The following EGFLAM variants were observed in gnomAD, a reference collection of about 807,000 sequenced individuals.
EGFLAM encodes the protein EGF like, fibronectin type III and laminin G domains.
A neutral mutation model predicts 113.1 loss-of-function variants in EGFLAM; 79 were observed. That is an observed-to-expected ratio of 0.70 (90% CI 0.58 to 0.84). The LOEUF (loss-of-function observed/expected upper bound fraction) is 0.84. Among genes scored for constraint, EGFLAM ranks in the 40% least tolerant of loss-of-function variants. The pLI, the probability that EGFLAM is intolerant of heterozygous loss-of-function variation, is 0.00. For missense variants in EGFLAM, 1,265 were observed against 1,291.6 expected, an observed-to-expected ratio of 0.98 and a Z score of 0.32; for synonymous variants, 504 against 487.6, an observed-to-expected ratio of 1.03 and a Z score of -0.44.
chr5:38,442,146 G>GTA (rs1561096262), intron 17 of EGFLAM, among the ~76,000 whole-genome samples: 2 of 151,704 alleles, frequency 1.3e-5, no homozygotes, highest in African/African-American at 2.4e-5. Context: ...AGGTCCCAGT[G>GTA]TATATATATA....
At chr5:38,330,887 C>T (rs904223922) in intron 1 of EGFLAM, among the ~76,000 whole-genome samples, 19 of 152,106 alleles carry the variant, frequency 1.2e-4, no homozygotes, top group African/African-American at 4.6e-4. Context: ...TGGATAATTA[C>T]ACAGGGGGAA....
chr5:38,431,763 C>A (rs13356672), intron 15 of EGFLAM, among the ~76,000 whole-genome samples: 8,715 of 152,178 alleles, frequency 0.057, 436 homozygotes, highest in African/African-American at 0.13. Flanking sequence ...CAAGATTGTT[C>A]TTGTCTCAGC....
intron 20 of EGFLAM, among the ~76,000 whole-genome samples, chr5:38,459,035 T>G (rs997945379): frequency 2.0e-5 from 3 of 152,002 alleles, no homozygotes; most frequent in Non-Finnish European, 2.9e-5. Flanking sequence ...CCTCTGGCTT[T>G]TTTTTGTTTG....
At position 38,362,687 on chromosome 5, in the gene EGFLAM, C is replaced by T. The variant is rs558172070; in HGVS notation, c.546-7609C>T. On this transcript the variant is annotated intron_variant, in intron 5 of 21. Transcript: ENST00000322350. ...GCTTCACAAAGAATTCTTTTCCTTA[C>T]CTTTAGTTTTGAAACTGAAAATCTC... Among the ~76,000 whole-genome samples the T allele has an allele frequency of 6.7e-4, 102 of 152,264 alleles. 1 individual carries two copies. The highest frequency in any genetic ancestry group is 1.6e-3 in the African/African-American group (65 of 41,544).
At chr5:38,385,286 C>CG (rs1382363899) in intron 6 of EGFLAM, among the ~76,000 whole-genome samples, 2 of 112,352 alleles carry the variant, frequency 1.8e-5, no homozygotes, top group Non-Finnish European at 3.9e-5. Flanking sequence ...CCACCCCCCC[C>CG]CCCCGCCCCC....
chr5:38,394,440 C>T (rs112791067), intron 6 of EGFLAM, among the ~76,000 whole-genome samples: 11 of 151,886 alleles, frequency 7.2e-5, no homozygotes, highest in Admixed American at 1.3e-4. Flanking sequence ...GACGGAGTCC[C>T]GCTCTGTCTC....
rs879027496 is a variant in EGFLAM at position 38,464,104 on chromosome 5, A to G, written c.*118A>G. ...GGACCAGGTGTGTTTCCTCTCACCAAGAAGAAAGTACACACTGATGAGAAA... is the reference window on the plus strand; with the variant it reads ...GGACCAGGTGTGTTTCCTCTCACCAGGAAGAAAGTACACACTGATGAGAAA... On this transcript the variant is annotated 3_prime_UTR_variant, in exon 22 of 22. Coordinates refer to ENST00000322350, the MANE Select transcript of EGFLAM (RefSeq NM_152403.4). 1.5e-6 allele frequency: 2 copies of G among 1,335,468 alleles called. No homozygotes were observed. Among genetic ancestry groups the G allele is most frequent in the Admixed American group, 4.8e-5 (2 of 41,466 alleles). The allele number at this position is 1,335,468 out of a possible 1,614,324, so 82.7% of individuals were successfully genotyped here. A position where few individuals can be genotyped will look rare whatever the true frequency, so the allele number is the denominator to read the frequency against.
intron 6 of EGFLAM, among the ~76,000 whole-genome samples, chr5:38,378,634 G>A (rs1740428139): frequency 6.6e-6 from 1 of 152,166 alleles, no homozygotes; most frequent in Non-Finnish European, 1.5e-5. Context: ...CCATGCCTAT[G>A]AAAGTTCTTG....
chr5:38,370,603 A>G (rs1019313466), intron 6 of EGFLAM, 141 bp downstream of exon 6: 2 of 1,125,698 alleles, frequency 1.8e-6, no homozygotes, highest in Admixed American at 5.7e-5. Flanking sequence ...TGGTTTTCCC[A>G]GCCCTTTGGA....
Position 38,349,232 on chromosome 5 carries a change from A to G in EGFLAM, c.292-1269A>G, listed in dbSNP as rs79729720. 3.4e-4 allele frequency among the ~76,000 whole-genome samples: 52 copies of G among 152,336 alleles called. 1 individual carries two copies. The East Asian group carries it at 8.9e-3, about 26-fold the overall frequency. ...ATAGTAACAGTTTTTAATAAATACA[A>G]TGTAAATGTGTTAAAGTAGTGGCAC... On this transcript the variant is annotated intron_variant, in intron 3 of 21. Transcript: ENST00000322350.
At chr5:38,266,045 G>C (rs2111696315) in intron 1 of EGFLAM, among the ~76,000 whole-genome samples, 1 of 152,314 alleles carries the variant, frequency 6.6e-6, no homozygotes, top group African/African-American at 2.4e-5. Flanking sequence ...TATTTAACCA[G>C]AACAACCCTG....
chr5:38,350,430 C>T, intron 3 of EGFLAM, 71 bp from the exon 4 acceptor site: 1 of 1,463,222 alleles, frequency 6.8e-7, no homozygotes, highest in Non-Finnish European at 9.5e-7. Context: ...ATATAAACCT[C>T]ATGGAAATTG....
chr5:38,369,470 A>G (rs1425353044), intron 5 of EGFLAM, among the ~76,000 whole-genome samples: 1 of 152,246 alleles, frequency 6.6e-6, no homozygotes, highest in Non-Finnish European at 1.5e-5. Context: ...AGTTCTGTGA[A>G]GAAGTCCCTT....
At chr5:38,415,648 C>T (rs577359400) in intron 11 of EGFLAM, among the ~76,000 whole-genome samples, 23 of 152,344 alleles carry the variant, frequency 1.5e-4, no homozygotes, top group Middle Eastern at 3.4e-3. Context: ...AATAGCCCTG[C>T]ACTTCAGCCT....
intron 11 of EGFLAM, 106 bp downstream of exon 11, chr5:38,412,754 T>A: frequency 6.8e-7 from 1 of 1,464,050 alleles, no homozygotes; most frequent in Non-Finnish European, 9.0e-7. Flanking sequence ...GGATTCAAGT[T>A]CTGGATGGGC....
intron 5 of EGFLAM, among the ~76,000 whole-genome samples, chr5:38,369,533 C>G (rs964737374): frequency 6.6e-6 from 1 of 152,190 alleles, no homozygotes; most frequent in Admixed American, 6.5e-5. Context: ...AGGTACTAGG[C>G]TGGAGATATA....
intron 13 of EGFLAM, among the ~76,000 whole-genome samples, chr5:38,425,854 G>T (rs773555033): frequency 6.6e-6 from 1 of 152,182 alleles, no homozygotes; most frequent in Admixed American, 6.5e-5. Context: ...GAGGCCAGGC[G>T]CAGTGGCTCA....
At chr5:38,362,146 T>G (rs1739940202) in intron 5 of EGFLAM, among the ~76,000 whole-genome samples, 1 of 152,116 alleles carries the variant, frequency 6.6e-6, no homozygotes, top group South Asian at 2.1e-4. Flanking sequence ...AATGCCCCAC[T>G]TCAATCCCAA....
chr5:38,322,448 C>A (rs769703335), intron 1 of EGFLAM, among the ~76,000 whole-genome samples: 1 of 152,182 alleles, frequency 6.6e-6, no homozygotes, highest in Non-Finnish European at 1.5e-5. Flanking sequence ...ACTGGTCCTT[C>A]TAAAACAGGG....
Sources: gnomAD v4.1 joint callset for allele counts (sites outside exome capture counted in the v4.1 genomes callset) on GRCh38, gnomAD v4.1.1 for gene constraint, MANE v1.5 for transcripts, NCBI Gene and HGNC (gene_info 2026-07-23, HGNC 2026-07-21) for gene names.